ARHGAP42: variants seen among roughly 807,000 people sequenced by gnomAD.
The protein encoded by ARHGAP42 is rho GTPase-activating protein 42.
ARHGAP42 carries 63 observed loss-of-function variants against 125.0 expected under a neutral mutation model. The observed-to-expected ratio is 0.50, with a 90% confidence interval of 0.41 to 0.62. The LOEUF is 0.62. Among genes scored for constraint, ARHGAP42 ranks in the 20% least tolerant of loss-of-function variants. The pLI, the probability that ARHGAP42 is intolerant of heterozygous loss-of-function variation, is 0.00. For synonymous variants in ARHGAP42, 339 were observed against 351.0 expected, an observed-to-expected ratio of 0.97 and a Z score of 0.38; for missense variants, 766 against 1,024.2, an observed-to-expected ratio of 0.75 and a Z score of 3.44.
chr11:100,992,260 G>T lies in ARHGAP42; in HGVS notation c.*3459G>T. ...CAGAGGCAGACCAATTTAGGGAACA[G>T]ATTTTGTTCTTTGCTTTTATGATAC... is the stretch of plus-strand genomic sequence containing the variant. On this transcript the variant is annotated 3_prime_UTR_variant, in exon 24 of 24. Coordinates refer to ENST00000298815, the MANE Select transcript of ARHGAP42 (RefSeq NM_152432.4). 1.3e-6 allele frequency: 2 copies of T among 1,537,312 alleles called. No individual in the cohort carries two copies. Among genetic ancestry groups the T allele is most frequent in the Non-Finnish European group, 1.7e-6 (2 of 1,146,670 alleles).
chr11:100,734,501 G>A lies in ARHGAP42; in HGVS notation c.155-35842G>A, dbSNP rs377685364. On this transcript the variant is annotated intron_variant, in intron 1 of 23. Transcript: ENST00000298815. ...TCTCCATGTTGGTCAGGCTGGTCTC[G>A]AACTCCAGACCTCAGGTGATCCGCC... 1.9e-4 allele frequency among the ~76,000 whole-genome samples: 29 copies of A among 151,720 alleles called. No homozygotes were observed. The East Asian group carries it at 4.5e-3, about 24-fold the overall frequency.
rs11224449 is a variant in ARHGAP42, at chr11:100,790,596, C to T, written c.251-4509C>T. On this transcript the variant is annotated intron_variant, in intron 2 of 23. Transcript: ENST00000298815. ...AGCTAACATAATTTCCCAAAGTGTC[C>T]GGCCTATCTTTTCATAATATTTCAT... is the stretch of plus-strand genomic sequence containing the variant. 5.2e-3 allele frequency among the ~76,000 whole-genome samples: 785 copies of T among 152,196 alleles called. 6 individuals carry two copies. The highest frequency in any genetic ancestry group is 0.017 in the African/African-American group (725 of 41,530).
intron 3 of ARHGAP42, among the ~76,000 whole-genome samples, chr11:100,798,820 A>G (rs2135038948): frequency 6.6e-6 from 1 of 152,174 alleles, no homozygotes; most frequent in East Asian, 1.9e-4. Flanking sequence ...GGACTGTGAC[A>G]CAGTATGGTA....
At chr11:100,802,488 G>A (rs1863881006) in intron 3 of ARHGAP42, among the ~76,000 whole-genome samples, 2 of 149,494 alleles carry the variant, frequency 1.3e-5, no homozygotes, top group Non-Finnish European at 3.0e-5. Flanking sequence ...GCAGTGGTGC[G>A]ATCTTGACTC....
intron 2 of ARHGAP42, among the ~76,000 whole-genome samples, chr11:100,773,724 T>C (rs1475514002): frequency 6.6e-6 from 1 of 152,224 alleles, no homozygotes. Flanking sequence ...CTCTTTCCAC[T>C]TTGGCTAATT....
intron 3 of ARHGAP42, among the ~76,000 whole-genome samples, chr11:100,833,868 T>C (rs1271275681): frequency 6.6e-6 from 1 of 152,118 alleles, no homozygotes; most frequent in Admixed American, 6.6e-5. Context: ...TGTTAATGAG[T>C]TTGCAGACAT....
intron 4 of ARHGAP42, among the ~76,000 whole-genome samples, chr11:100,896,251 A>G (rs367704785): frequency 3.3e-5 from 5 of 152,162 alleles, no homozygotes; most frequent in South Asian, 2.1e-4. Flanking sequence ...ATTGATGGAC[A>G]TTTGGGTTGG....
chr11:100,752,697 A>G (rs1222646124), intron 1 of ARHGAP42, among the ~76,000 whole-genome samples: 1 of 152,042 alleles, frequency 6.6e-6, no homozygotes, highest in East Asian at 1.9e-4. Flanking sequence ...CGTGACATAC[A>G]CTCTGAGATT....
At chr11:100,945,154 G>T (rs1867983117) in intron 10 of ARHGAP42, among the ~76,000 whole-genome samples, 1 of 151,898 alleles carries the variant, frequency 6.6e-6, no homozygotes, top group African/African-American at 2.4e-5. Flanking sequence ...CACTTTCTTT[G>T]CCCATCCATA....
chr11:100,694,444 T>C (rs1565530994), intron 1 of ARHGAP42, among the ~76,000 whole-genome samples: 1 of 146,922 alleles, frequency 6.8e-6, no homozygotes, highest in African/African-American at 2.7e-5. Flanking sequence ...AAAGTCACTT[T>C]CATGAATGCT....
At position 100,991,433 on chromosome 11, in the gene ARHGAP42, T is replaced by C. The variant is rs1382338515; in HGVS notation, c.*2632T>C. ...GGAACAATGTGAAGATACATTAGAA[T>C]TGCCACATCCATATCTTCAAAACAC... is the stretch of plus-strand genomic sequence containing the variant. On this transcript the variant is annotated 3_prime_UTR_variant, in exon 24 of 24. Coordinates refer to ENST00000298815, the MANE Select transcript of ARHGAP42 (RefSeq NM_152432.4). 5.9e-5 allele frequency: 9 copies of C among 152,186 alleles called. No homozygotes were observed. The highest frequency in any genetic ancestry group is 8.8e-5 in the Non-Finnish European group (6 of 68,024). The allele number at this position is 152,186 out of a possible 1,614,324, so 9.4% of individuals were successfully genotyped here. A position where few individuals can be genotyped will look rare whatever the true frequency, so the allele number is the denominator to read the frequency against.
rs537133511 is a variant in ARHGAP42 at position 100,809,165 on chromosome 11, T to C, written c.312+13999T>C. Among the ~76,000 whole-genome samples the C allele has an allele frequency of 2.0e-5, 3 of 152,246 alleles. No individual in the cohort carries two copies. The South Asian group carries it at 6.2e-4, about 32-fold the overall frequency. On this transcript the variant is annotated intron_variant, in intron 3 of 23. Transcript: ENST00000298815. ...CTGTTAGCTGGCTTCTTCCACATGG[T>C]GAGTCATAAGCATTGTACTAAAACT...
chr11:100,921,568 G>A lies in ARHGAP42; in HGVS notation c.561G>A (p.Glu187=), dbSNP rs1449287957. The A allele has an allele frequency of 1.6e-5, 24 of 1,542,922 alleles. No individual in the cohort carries two copies. The highest frequency in any genetic ancestry group is 2.0e-5 in the Non-Finnish European group (23 of 1,143,266). Residue 187 remains glutamate, a synonymous_variant, in exon 6 of 24, where the codon GAG becomes GAA. Coordinates refer to ENST00000298815, the MANE Select transcript of ARHGAP42 (RefSeq NM_152432.4). Reference sequence around the variant, plus strand: ...TAGAATATGTCTTTAAAATTCAAGAGGTCCAAGAAAAAAAGAAGTTTGAAT... The same window carrying A: ...TAGAATATGTCTTTAAAATTCAAGAAGTCCAAGAAAAAAAGAAGTTTGAAT... ...ASLEYVFKIQ[E]VQEKKKFEFV... is the part of the protein sequence containing the mutation.
At chr11:100,974,425 T>A in intron 18 of ARHGAP42, 34 bp from the exon 19 acceptor site, 1 of 1,542,278 alleles carries the variant, frequency 6.5e-7, no homozygotes, top group East Asian at 2.5e-5. Context: ...ATATCACCCT[T>A]TTATTGACCT....
At chr11:100,827,002 C>CTTTTTTTT (rs869260353) in intron 3 of ARHGAP42, among the ~76,000 whole-genome samples, 40 of 80,880 alleles carry the variant, frequency 4.9e-4, no homozygotes, top group Middle Eastern at 0.01. Context: ...GCCTTACATC[C>CTTTTTTTT]TTTTTTTTTT....
intron 4 of ARHGAP42, among the ~76,000 whole-genome samples, chr11:100,904,084 C>A (rs1866652858): frequency 6.6e-6 from 1 of 151,914 alleles, no homozygotes; most frequent in Non-Finnish European, 1.5e-5. Context: ...ACAGACAGAC[C>A]CAGGATTAAT....
intron 3 of ARHGAP42, among the ~76,000 whole-genome samples, chr11:100,818,352 A>G (rs1211997278): frequency 2.6e-5 from 4 of 152,180 alleles, no homozygotes; most frequent in South Asian, 2.1e-4. Context: ...TGAGTTATTG[A>G]CGGAGATGCA....
At chr11:100,921,216 TATATATATATATATATATATATATATATA>T (rs1465577082) in intron 5 of ARHGAP42, among the ~76,000 whole-genome samples, 1 of 33,306 alleles carries the variant, frequency 3.0e-5, no homozygotes, top group Admixed American at 4.0e-4. Context: ...TATATATACA[TATATATATATATATATATATATATATATA>T]TTTTTTTTTT....
intron 2 of ARHGAP42, among the ~76,000 whole-genome samples, chr11:100,783,206 C>T (rs1401677070): frequency 4.6e-5 from 7 of 152,100 alleles, no homozygotes; most frequent in South Asian, 4.1e-4. Flanking sequence ...GAGGCTGAGG[C>T]GGGTGGATTG....
Sources: allele counts gnomAD v4.1 joint callset (sites outside exome capture counted in the v4.1 genomes callset), GRCh38; gene constraint gnomAD v4.1.1; transcripts MANE v1.5; gene names NCBI Gene and HGNC (gene_info 2026-07-23, HGNC 2026-07-21).